Variants in ARL15 observed in about 807,000 individuals in gnomAD.
The protein encoded by ARL15 is ADP-ribosylation factor-like protein 15.
Under a neutral mutation model 25.2 loss-of-function variants are expected in ARL15, and 19 were observed. The ratio of observed to expected loss-of-function variants is 0.75; its 90% CI spans 0.53 to 1.10. The LOEUF (loss-of-function observed/expected upper bound fraction) is 1.10. Ranked by LOEUF, ARL15 falls within the 50% of genes least tolerant of loss-of-function variation. ARL15 has a pLI of 0.00. For synonymous variants in ARL15, 94 were observed against 86.8 expected, an observed-to-expected ratio of 1.08 and a Z score of -0.46; for missense variants, 220 against 246.0, an observed-to-expected ratio of 0.89 and a Z score of 0.71.
intron 1 of ARL15, among the ~76,000 whole-genome samples, chr5:54,221,335 G>T (rs1253399020): frequency 6.6e-6 from 1 of 152,158 alleles, no homozygotes; most frequent in Non-Finnish European, 1.5e-5. Flanking sequence ...CAGGCAAATT[G>T]TGTCCAAAGC....
chr5:53,895,581 T>C (rs913192212), intron 4 of ARL15, among the ~76,000 whole-genome samples: 2 of 152,202 alleles, frequency 1.3e-5, no homozygotes, highest in Admixed American at 6.5e-5. Context: ...TAGTTATTGT[T>C]ACTTTGCAGT....
At chr5:54,226,564 A>C (rs1360642284) in intron 1 of ARL15, among the ~76,000 whole-genome samples, 1 of 152,248 alleles carries the variant, frequency 6.6e-6, no homozygotes, top group Non-Finnish European at 1.5e-5. Flanking sequence ...AAAATGGAGG[A>C]AACAGAAAAA....
At chr5:54,106,287 A>T (rs1389002976) in intron 4 of ARL15, among the ~76,000 whole-genome samples, 3 of 152,218 alleles carry the variant, frequency 2.0e-5, no homozygotes, top group Non-Finnish European at 2.9e-5. Context: ...GAAAATAAAA[A>T]TTTTTATATT....
intron 4 of ARL15, among the ~76,000 whole-genome samples, chr5:54,105,795 C>T (rs896443806): frequency 2.0e-5 from 3 of 152,128 alleles, no homozygotes; most frequent in Non-Finnish European, 2.9e-5. Context: ...GTTGGTCACG[C>T]TGGTCTCGAA....
At chr5:53,981,867 T>A (rs949724453) in intron 4 of ARL15, among the ~76,000 whole-genome samples, 9 of 149,026 alleles carry the variant, frequency 6.0e-5, no homozygotes, top group African/African-American at 9.9e-5. Context: ...GCCATTGCAC[T>A]CCAGACTGGG....
At chr5:54,243,526 G>C (rs1234739889) in intron 1 of ARL15, among the ~76,000 whole-genome samples, 2 of 152,174 alleles carry the variant, frequency 1.3e-5, no homozygotes, top group Non-Finnish European at 2.9e-5. Context: ...AGAAACACAT[G>C]TATGTGGTGA....
Position 54,244,811 on chromosome 5 carries a change from AC to A in ARL15, c.48+65620del, listed in dbSNP as rs557427293. Among the ~76,000 whole-genome samples the A allele has an allele frequency of 7.5e-3, 1,096 of 145,838 alleles. 13 individuals are homozygous for A. Among genetic ancestry groups the A allele is most frequent in the African/African-American group, 0.025 (1,015 of 39,968 alleles). On this transcript the variant is annotated intron_variant, in intron 1 of 4. Transcript: ENST00000504924. Reference sequence around the variant, plus strand: ...AAAAAGGTAGCCATAAAAAAAAAAAACATCAGAAGGTTAATCATCAGCATTT... The same window carrying A: ...AAAAAGGTAGCCATAAAAAAAAAAAAATCAGAAGGTTAATCATCAGCATTT...
chr5:54,163,355 GCTTTTTT>G (rs1754467677), intron 2 of ARL15, among the ~76,000 whole-genome samples: 6 of 51,344 alleles, frequency 1.2e-4, no homozygotes, highest in African/African-American at 4.1e-4. Context: ...TTGGTATGAA[GCTTTTTT>G]TTTTTTTTTT....
chr5:54,289,131 C>G (rs559719749), intron 1 of ARL15, among the ~76,000 whole-genome samples: 1 of 152,294 alleles, frequency 6.6e-6, no homozygotes, highest in South Asian at 2.1e-4. Flanking sequence ...TTGAAAGGCT[C>G]AAGGATTTTA....
intron 1 of ARL15, among the ~76,000 whole-genome samples, chr5:54,261,384 A>C (rs547869738): frequency 6.6e-5 from 10 of 152,290 alleles, no homozygotes; most frequent in African/African-American, 2.4e-4. Context: ...AAATATATTA[A>C]GCTAACTCAG....
intron 4 of ARL15, among the ~76,000 whole-genome samples, chr5:54,054,059 TTAA>T (rs1319047133): frequency 6.6e-6 from 1 of 152,188 alleles, no homozygotes; most frequent in Non-Finnish European, 1.5e-5. Flanking sequence ...TAGAGTTTAT[TTAA>T]TAATAAATAA....
chr5:54,276,122 A>G (rs1757923079), intron 1 of ARL15, among the ~76,000 whole-genome samples: 1 of 152,200 alleles, frequency 6.6e-6, no homozygotes, highest in Non-Finnish European at 1.5e-5. Flanking sequence ...TTATAAAAAC[A>G]GCCAAGCCAA....
intron 4 of ARL15, among the ~76,000 whole-genome samples, chr5:54,085,975 T>C (rs2112126002): frequency 6.6e-6 from 1 of 151,438 alleles, no homozygotes; most frequent in East Asian, 2.0e-4. Context: ...AGTGCAATGG[T>C]GCTATCTAGG....
chr5:53,976,439 T>A (rs191497575), intron 4 of ARL15, among the ~76,000 whole-genome samples: 1 of 152,330 alleles, frequency 6.6e-6, no homozygotes. Context: ...GAGCGTCTTC[T>A]ATGCTGTGCC....
chr5:54,069,799 G>A (rs933910831), intron 4 of ARL15, among the ~76,000 whole-genome samples: 3 of 151,410 alleles, frequency 2.0e-5, no homozygotes, highest in Admixed American at 6.6e-5. Context: ...TCCGTCTCCC[G>A]AGTAGCTGAA....
chr5:54,052,288 A>C (rs1050199051), intron 4 of ARL15, among the ~76,000 whole-genome samples: 3 of 152,222 alleles, frequency 2.0e-5, no homozygotes, highest in African/African-American at 7.2e-5. Flanking sequence ...ATTAAAAAAA[A>C]TTAACTAGAA....
intron 4 of ARL15, among the ~76,000 whole-genome samples, chr5:54,060,670 A>T (rs71619990): frequency 6.6e-6 from 1 of 152,224 alleles, no homozygotes; most frequent in Non-Finnish European, 1.5e-5. Context: ...CTAATAATAC[A>T]GTACATTGGT....
In ARL15 at chr5:54,180,015, C is replaced by T. The variant is rs866755358; in HGVS notation, c.49-8087G>A. On this transcript the variant is annotated intron_variant, in intron 1 of 4. Transcript: ENST00000504924. Reference sequence around the variant, plus strand: ...CCTGGGTGACACAGCGAGACTGTCTCGAGAAAAAAAAAAAAAAAAAAAGAG... The same window carrying T: ...CCTGGGTGACACAGCGAGACTGTCTTGAGAAAAAAAAAAAAAAAAAAAGAG... 3.5e-4 allele frequency among the ~76,000 whole-genome samples: 26 copies of T among 74,238 alleles called. No homozygotes were observed. In the Middle Eastern group the frequency reaches 0.021, roughly 61 times the overall value. 48.7% of individuals were successfully genotyped at this position (74,238 alleles called of 152,430 possible).
intron 4 of ARL15, among the ~76,000 whole-genome samples, chr5:54,032,278 G>T (rs539329691): frequency 5.9e-5 from 9 of 151,874 alleles, no homozygotes; most frequent in Non-Finnish European, 1.3e-4. Flanking sequence ...CTGTCGCCCA[G>T]GCTGGAGTGC....
Sources: gnomAD v4.1 joint callset for allele counts (sites outside exome capture counted in the v4.1 genomes callset) on GRCh38, gnomAD v4.1.1 for gene constraint, MANE v1.5 for transcripts, NCBI Gene and HGNC (gene_info 2026-07-23, HGNC 2026-07-21) for gene names.